DEAF1: variants seen among roughly 807,000 people sequenced by gnomAD.
The protein encoded by DEAF1 is deformed epidermal autoregulatory factor 1 homolog.
A neutral mutation model predicts 58.9 loss-of-function variants in DEAF1; 53 were observed. The observed-to-expected ratio is 0.90, with a 90% CI of 0.72 to 1.13. The LOEUF is 1.13. Among genes scored for constraint, DEAF1 ranks in the 50% most tolerant of loss-of-function variants. The pLI is 0.00. For synonymous variants in DEAF1, 385 were observed against 340.4 expected (o/e 1.13, Z -1.44); for missense variants, 685 against 791.4 (o/e 0.87, Z 1.61).
Position 644,245 on chromosome 11 carries a change from A to G in DEAF1, c.*305T>C. 2.1e-6 allele frequency: 1 copy of G among 474,560 alleles called. No homozygotes were observed. Among genetic ancestry groups the G allele is most frequent in the Non-Finnish European group, 3.9e-6 (1 of 256,244 alleles). 29.4% of individuals were successfully genotyped at this position (474,560 alleles called of 1,614,324 possible). ...TGTGGGGCAGGGAGACCTTATTTACACTTTATTGACAGACACAACACGTAT... is the reference window on the plus strand; with the variant it reads ...TGTGGGGCAGGGAGACCTTATTTACGCTTTATTGACAGACACAACACGTAT... On this transcript the variant is annotated 3_prime_UTR_variant, in exon 12 of 12. Transcript: ENST00000382409. This position sits in a 1 kb window ranked among gnomAD's most constrained non-coding sequence, Gnocchi z 4.3.
chr11:659,614 G>A (rs935986605), intron 10 of DEAF1, among the ~76,000 whole-genome samples: 3 of 152,206 alleles, frequency 2.0e-5, no homozygotes, highest in African/African-American at 7.2e-5. Flanking sequence ...GTGCACAGGG[G>A]CCTCCGCCTG....
intron 1 of DEAF1, chr11:702,969 C>T: frequency 1.9e-6 from 3 of 1,610,004 alleles, no homozygotes; most frequent in Non-Finnish European, 2.5e-6. Context: ...CTGACAGAGG[C>T]TGAGAGGCCG....
intron 6 of DEAF1, among the ~76,000 whole-genome samples, chr11:683,791 C>G (rs1219977458): frequency 6.6e-6 from 1 of 152,186 alleles, no homozygotes; most frequent in African/African-American, 2.4e-5. Flanking sequence ...CTTCCCTGGT[C>G]TCTCTCTTCA....
intron 11 of DEAF1, among the ~76,000 whole-genome samples, chr11:648,907 CAT>C (rs774051277): frequency 1.6e-4 from 24 of 152,166 alleles, no homozygotes; most frequent in Non-Finnish European, 3.1e-4. Flanking sequence ...AAACATGAAA[CAT>C]AAACTGCAAA....
intron 1 of DEAF1, chr11:700,344 T>G: frequency 9.8e-7 from 1 of 1,018,632 alleles, no homozygotes. Flanking sequence ...CAGGCCAACA[T>G]GGGGAAACCC....
In DEAF1 at chr11:695,194, C is replaced by T; in HGVS notation, c.-147G>A. Reference sequence around the variant, plus strand: ...CCCGAATAGGGACCGAAAAGGCAGCCAGCCGCCGAGCAGAGCCGAGCCGAG... The same window carrying T: ...CCCGAATAGGGACCGAAAAGGCAGCTAGCCGCCGAGCAGAGCCGAGCCGAG... On this transcript the variant is annotated 5_prime_UTR_variant, in exon 1 of 12. Coordinates refer to ENST00000382409, the MANE Select transcript of DEAF1 (RefSeq NM_021008.4). 3 of 729,486 alleles carry T rather than the reference C, an allele frequency of 4.1e-6. No homozygotes were observed. The highest frequency in any genetic ancestry group is 5.8e-6 in the Non-Finnish European group (3 of 517,524). 45.2% of individuals were successfully genotyped at this position (729,486 alleles called of 1,614,324 possible).
intron 1 of DEAF1, chr11:704,583 A>G (rs10902201): frequency 0.43 from 555,568 of 1,288,154 alleles, 123,728 homozygotes; most frequent in South Asian, 0.5. Context: ...CCCAGCCCAC[A>G]AACCATGCAG....
chr11:704,513 C>A (rs1263955070), intron 1 of DEAF1: 1 of 1,289,322 alleles, frequency 7.8e-7, no homozygotes, highest in African/African-American at 1.5e-5. Context: ...CTCGGGCCAC[C>A]TCCCTCACCA....
intron 1 of DEAF1, among the ~76,000 whole-genome samples, chr11:701,667 C>T (rs1861498563): frequency 6.6e-6 from 1 of 152,130 alleles, no homozygotes; most frequent in Admixed American, 6.5e-5. Context: ...CCTCGGCCTC[C>T]CAAAGTGCTG....
At chr11:654,149 C>T (rs1178232410) in intron 10 of DEAF1, 98 bp from the exon 11 acceptor site, 3 of 839,524 alleles carry the variant, frequency 3.6e-6, no homozygotes, top group Admixed American at 2.1e-5. Flanking sequence ...GCCCCAAGTT[C>T]CCCCCATTGG....
rs891949482 is a variant in DEAF1, at chr11:644,796, C to A, written c.1594-142G>T. On this transcript the variant is annotated intron_variant, in intron 11 of 11. Coordinates refer to ENST00000382409, the MANE Select transcript of DEAF1 (RefSeq NM_021008.4). The surrounding 1 kb of genome is among the most constrained non-coding windows in gnomAD (Gnocchi z 4.3). ...GAGAATGCCCTCCCCAGCCCCCGTG[C>A]GCCCAAACTCTGGTGGGCTCTGCTC... The A allele has an allele frequency of 1.4e-6, 1 of 705,366 alleles. No individual in the cohort carries two copies. The highest frequency in any genetic ancestry group is 2.6e-6 in the Non-Finnish European group (1 of 391,972). 43.7% of individuals were successfully genotyped at this position (705,366 alleles called of 1,614,324 possible).
rs192745440 is a variant in DEAF1 at position 648,410 on chromosome 11, T to C, written c.1594-3756A>G. On this transcript the variant is annotated intron_variant, in intron 11 of 11. Transcript: ENST00000382409. Reference sequence around the variant, plus strand: ...CGGGGTTTCACCATGTTAGCCAGGATGGTCTCGATCTCCTGACCTCGTGAT... The same window carrying C: ...CGGGGTTTCACCATGTTAGCCAGGACGGTCTCGATCTCCTGACCTCGTGAT... Among the ~76,000 whole-genome samples the C allele has an allele frequency of 5.5e-3, 843 of 152,188 alleles. 5 individuals carry two copies. Among genetic ancestry groups the C allele is most frequent in the African/African-American group, 0.019 (804 of 41,536 alleles).
intron 1 of DEAF1, chr11:703,927 A>C (rs777956251): frequency 8.0e-7 from 1 of 1,243,464 alleles, no homozygotes; most frequent in African/African-American, 1.5e-5. Flanking sequence ...ACGGAGTGCT[A>C]AACAAATTCT....
chr11:704,007 G>T, intron 1 of DEAF1: 1 of 1,213,126 alleles, frequency 8.2e-7, no homozygotes, highest in Non-Finnish European at 1.0e-6. Context: ...AGCTGTTACA[G>T]TAGCTTTCCC....
At chr11:685,056 A>AC (rs1159859697) in intron 5 of DEAF1, 93 bp from the exon 6 acceptor site, 1 of 857,464 alleles carries the variant, frequency 1.2e-6, no homozygotes, top group Non-Finnish European at 1.9e-6. Flanking sequence ...TTTACCACTT[A>AC]CCTACCATTC....
chr11:701,337 T>C (rs1425904797), intron 1 of DEAF1, among the ~76,000 whole-genome samples: 2 of 150,762 alleles, frequency 1.3e-5, no homozygotes, highest in African/African-American at 4.9e-5. Flanking sequence ...TACAGGCACC[T>C]GCCACCACGC....
At chr11:660,305 T>G (rs1291669520) in intron 10 of DEAF1, among the ~76,000 whole-genome samples, 2 of 152,196 alleles carry the variant, frequency 1.3e-5, no homozygotes, top group South Asian at 2.1e-4. Flanking sequence ...ATGACCATGA[T>G]ACAGATCTCT....
Position 644,261 on chromosome 11 carries a change from C to G in DEAF1, c.*289G>C, listed in dbSNP as rs1056471653. The G allele has an allele frequency of 1.9e-6, 1 of 523,742 alleles. No individual in the cohort carries two copies. The highest frequency in any genetic ancestry group is 1.9e-5 in the African/African-American group (1 of 52,164). The allele number at this position is 523,742 out of a possible 1,614,324, so 32.4% of individuals were successfully genotyped here. On this transcript the variant is annotated 3_prime_UTR_variant, in exon 12 of 12. Coordinates refer to ENST00000382409, the MANE Select transcript of DEAF1 (RefSeq NM_021008.4). This position sits in a 1 kb window ranked among gnomAD's most constrained non-coding sequence, Gnocchi z 4.3. ...CTTATTTACACTTTATTGACAGACA[C>G]AACACGTATGTATGTGCGTCGCAGC... is the stretch of plus-strand genomic sequence containing the variant.
At chr11:687,655 G>A (rs1038686867) in intron 4 of DEAF1, among the ~76,000 whole-genome samples, 5 of 152,074 alleles carry the variant, frequency 3.3e-5, no homozygotes, top group African/African-American at 1.2e-4. Flanking sequence ...CTGCCACCAC[G>A]CTCCACTAAT....
Sources: gnomAD v4.1 joint callset for allele counts (sites outside exome capture counted in the v4.1 genomes callset) on GRCh38, gnomAD v4.1.1 for gene constraint, Gnocchi (gnomAD v3.1) non-coding constraint, MANE v1.5 for transcripts, NCBI Gene and HGNC (gene_info 2026-07-23, HGNC 2026-07-21) for gene names.